TM4SF20: variants seen among roughly 807,000 people sequenced by gnomAD.
The protein encoded by TM4SF20 is transmembrane 4 L6 family member 20.
In TM4SF20, 13 loss-of-function variants were observed where a neutral mutation model predicts 15.1. That is an observed-to-expected ratio of 0.86 (90% CI 0.56 to 1.36). The LOEUF is 1.36. Among genes scored for constraint, TM4SF20 ranks in the 40% most tolerant of loss-of-function variants. TM4SF20 has a pLI of 0.00. For missense variants in TM4SF20, 282 were observed against 268.4 expected (o/e 1.05, Z -0.35); for synonymous variants, 92 against 96.6 (o/e 0.95, Z 0.28).
chr2:227,371,888 A>G (rs972146925), intron 1 of TM4SF20, among the ~76,000 whole-genome samples: 2 of 152,244 alleles, frequency 1.3e-5, no homozygotes, highest in African/African-American at 4.8e-5. Flanking sequence ...AGAAATCTAT[A>G]GATCGCATTC....
At chr2:227,380,038 A>G (rs1403399474), upstream of TM4SF20, among the ~76,000 whole-genome samples, 1 of 152,250 alleles carries the variant, frequency 6.6e-6, no homozygotes, top group Non-Finnish European at 1.5e-5. Context: ...TTTAAAATAC[A>G]AAAGTTCTGG....
At chr2:227,374,819 G>A (rs1035573443) in intron 1 of TM4SF20, among the ~76,000 whole-genome samples, 12 of 151,798 alleles carry the variant, frequency 7.9e-5, no homozygotes, top group African/African-American at 2.7e-4. Flanking sequence ...AGCCAGGCAT[G>A]GTGGCTCATG....
chr2:227,368,811 G>A (rs939242785), intron 2 of TM4SF20, among the ~76,000 whole-genome samples: 2 of 152,332 alleles, frequency 1.3e-5, no homozygotes, highest in South Asian at 2.1e-4. Context: ...CTGGAAAAAG[G>A]GAAGAAGCAA....
At chr2:227,378,063 C>T (rs541795714) in intron 1 of TM4SF20, among the ~76,000 whole-genome samples, 1 of 145,916 alleles carries the variant, frequency 6.9e-6, no homozygotes, top group East Asian at 2.0e-4. Flanking sequence ...ACAGCTTACT[C>T]TCTCTCTCTC....
At chr2:227,381,235 C>T (rs186764788), upstream of TM4SF20, among the ~76,000 whole-genome samples, 12 of 152,108 alleles carry the variant, frequency 7.9e-5, no homozygotes, top group East Asian at 2.3e-3. Context: ...CAAGATCACA[C>T]CACTGAACTC....
In TM4SF20 at chr2:227,363,431, A is replaced by C. The variant is rs1481146218; in HGVS notation, c.*293T>G. 1 of 227,348 alleles carries C rather than the reference A, an allele frequency of 4.4e-6. No homozygotes were observed. The highest frequency in any genetic ancestry group is 8.6e-6 in the Non-Finnish European group (1 of 115,832). The allele number at this position is 227,348 out of a possible 1,614,324, so 14.1% of individuals were successfully genotyped here. On this transcript the variant is annotated 3_prime_UTR_variant, in exon 4 of 4. Coordinates refer to ENST00000304568, the MANE Select transcript of TM4SF20 (RefSeq NM_024795.4). ...ACCCTGTCTCAAAAAAAAAAAAAAA[A>C]AGTCCTGTACTTTTATTTTCAGGAT...
At position 227,363,634 on chromosome 2, in the gene TM4SF20, T is replaced by C. The variant is rs903489283; in HGVS notation, c.*90A>G. 32 of 1,394,970 alleles carry C rather than the reference T, an allele frequency of 2.3e-5. No homozygotes were observed. In the African/African-American group the frequency reaches 4.0e-4, roughly 18 times the overall value. 86.4% of individuals were successfully genotyped at this position (1,394,970 alleles called of 1,614,324 possible). A position where few individuals can be genotyped will look rare whatever the true frequency, so the allele number is the denominator to read the frequency against. On this transcript the variant is annotated 3_prime_UTR_variant, in exon 4 of 4. Transcript: ENST00000304568. The stretch of plus-strand genomic sequence containing the variant: ...CGTGCTTTCTACGTGAAGGGTTGAT[T>C]TTTTAAATCATCTCAAAGATGACTT...
chr2:227,367,495 A>G (rs4438464), intron 2 of TM4SF20, among the ~76,000 whole-genome samples: 42,156 of 152,048 alleles, frequency 0.28, 6,907 homozygotes, highest in African/African-American at 0.46. Flanking sequence ...GCAACGTAGT[A>G]AGAGCCCATC....
intron 2 of TM4SF20, among the ~76,000 whole-genome samples, chr2:227,366,716 C>CAAAAAAAAAAAAAAAAAA (rs59401554): frequency 7.3e-5 from 5 of 68,190 alleles, no homozygotes; most frequent in East Asian, 5.7e-4. Flanking sequence ...AAGACTCTGT[C>CAAAAAAAAAAAAAAAAAA]AAAAAAAAAA....
At chr2:227,364,299 C>T (rs2076379418) in intron 3 of TM4SF20, among the ~76,000 whole-genome samples, 1 of 152,056 alleles carries the variant, frequency 6.6e-6, no homozygotes, top group Non-Finnish European at 1.5e-5. Context: ...TGAATGTCAA[C>T]AGTTTTTCGT....
rs2076365303 is a variant in TM4SF20, at chr2:227,362,254, T to C, written c.*1470A>G. The stretch of plus-strand genomic sequence containing the variant: ...ATTGGCACATATAGAAAATAGCTTT[T>C]GAAAGTCTTGGGTTTTTCTAGGTAT... On this transcript the variant is annotated 3_prime_UTR_variant, in exon 4 of 4. Coordinates refer to ENST00000304568, the MANE Select transcript of TM4SF20 (RefSeq NM_024795.4). 1 of 152,244 alleles carries C rather than the reference T, an allele frequency of 6.6e-6. No homozygotes were observed. The highest frequency in any genetic ancestry group is 2.4e-5 in the African/African-American group (1 of 41,462). 9.4% of individuals were successfully genotyped at this position (152,244 alleles called of 1,614,324 possible).
intron 2 of TM4SF20, 102 bp downstream of exon 2, chr2:227,370,813 C>T (rs936379616): frequency 1.1e-6 from 1 of 901,894 alleles, no homozygotes; most frequent in Non-Finnish European, 1.9e-6. Flanking sequence ...TCAGTGGAGC[C>T]CCACTGTGAT....
chr2:227,363,598 T>A lies in TM4SF20; in HGVS notation c.*126A>T. The A allele has an allele frequency of 1.1e-6, 1 of 890,150 alleles. No individual in the cohort carries two copies. The highest frequency in any genetic ancestry group is 1.7e-6 in the Non-Finnish European group (1 of 589,836). 55.1% of individuals were successfully genotyped at this position (890,150 alleles called of 1,614,324 possible). ...ATCAACCACTGATATGAGAGTGTTA[T>A]GCATTTACAACGTGCTTTCTACGTG... is the stretch of plus-strand genomic sequence containing the variant. On this transcript the variant is annotated 3_prime_UTR_variant, in exon 4 of 4. Transcript: ENST00000304568.
chr2:227,376,071 C>T (rs540667821), intron 1 of TM4SF20, among the ~76,000 whole-genome samples: 7 of 152,078 alleles, frequency 4.6e-5, no homozygotes, highest in Admixed American at 1.3e-4. Context: ...ATGAAAAGTC[C>T]GCCTCCGTTT....
chr2:227,378,679 C>G (rs527243260), intron 1 of TM4SF20, among the ~76,000 whole-genome samples: 35 of 152,184 alleles, frequency 2.3e-4, no homozygotes, highest in Non-Finnish European at 4.1e-4. Context: ...AATGTTTCTA[C>G]TCATCCCTAT....
In TM4SF20 at chr2:227,363,919, G is replaced by A. The variant is rs1242253221; in HGVS notation, c.495C>T (p.Thr165=). The A allele has an allele frequency of 6.2e-7, 1 of 1,614,172 alleles. No homozygotes were observed. Among genetic ancestry groups the A allele is most frequent in the Non-Finnish European group, 8.5e-7 (1 of 1,180,036 alleles). ...TGFNKPTSND[T]MASGWRASSF... The stretch of plus-strand genomic sequence containing the variant: ...TAGATGCTCTCCAGCCACTCGCCAT[G>A]GTGTCGTTACTGGTGGGTTTATTGA... Residue 165 remains threonine, a synonymous_variant, in exon 4 of 4, where the codon ACC becomes ACT. Transcript: ENST00000304568.
rs146860066 is a variant in TM4SF20, at chr2:227,362,962, A to G, written c.*762T>C. The G allele has an allele frequency of 1.2e-4, 18 of 151,924 alleles. No homozygotes were observed. The East Asian group carries it at 3.5e-3, about 29-fold the overall frequency. The allele number at this position is 151,924 out of a possible 1,614,324, so 9.4% of individuals were successfully genotyped here. On this transcript the variant is annotated 3_prime_UTR_variant, in exon 4 of 4. Coordinates refer to ENST00000304568, the MANE Select transcript of TM4SF20 (RefSeq NM_024795.4). Reference sequence around the variant, plus strand: ...AATCTATAACAGTTCCCTCAAAAATATTTTTCTTTTATAACATTTTCCTGT... The same window carrying G: ...AATCTATAACAGTTCCCTCAAAAATGTTTTTCTTTTATAACATTTTCCTGT...
At chr2:227,376,965 T>G (rs970457924) in intron 1 of TM4SF20, among the ~76,000 whole-genome samples, 1 of 152,254 alleles carries the variant, frequency 6.6e-6, no homozygotes, top group African/African-American at 2.4e-5. Flanking sequence ...AGCTGGCCTT[T>G]GGCAGACGGC....
chr2:227,374,674 A>G (rs2076438503), intron 1 of TM4SF20, among the ~76,000 whole-genome samples: 1 of 152,196 alleles, frequency 6.6e-6, no homozygotes, highest in Admixed American at 6.5e-5. Flanking sequence ...GATTTTACAA[A>G]TGAAGTGTGG....
Sources: allele counts gnomAD v4.1 joint callset (sites outside exome capture counted in the v4.1 genomes callset), GRCh38; gene constraint gnomAD v4.1.1; transcripts MANE v1.5; gene names NCBI Gene and HGNC (gene_info 2026-07-23, HGNC 2026-07-21).